Variants in PKHD1 observed in about 807,000 individuals in gnomAD.
PKHD1 encodes fibrocystin.
Under a neutral mutation model 412.0 loss-of-function variants are expected in PKHD1, and 291 were observed. The observed-to-expected ratio is 0.71, with a 90% CI of 0.64 to 0.78. The LOEUF is 0.78. Among genes scored for constraint, PKHD1 ranks in the 30% least tolerant of loss-of-function variants. The probability of loss-of-function intolerance (pLI) is 0.00; values close to 1 mark genes in which losing one functional copy is unlikely to be tolerated. For synonymous variants in PKHD1, 1,777 were observed against 1,821.5 expected (o/e 0.98, Z 0.62); for missense variants, 4,825 against 4,950.7 (o/e 0.97, Z 0.76).
At position 52,000,712 on chromosome 6, in the gene PKHD1, G is replaced by A. The variant is rs574980942; in HGVS notation, c.5751+9597C>T. ...ATAATGCAAACTCCTATATGGTGAT[G>A]TAATAATTACTCAGTGATATTATAA... is the stretch of plus-strand genomic sequence containing the variant. On this transcript the variant is annotated intron_variant, in intron 35 of 66. Transcript: ENST00000371117. Among the ~76,000 whole-genome samples the A allele has an allele frequency of 1.9e-3, 291 of 152,298 alleles. 3 individuals carry two copies. Among genetic ancestry groups the A allele is most frequent in the African/African-American group, 6.7e-3 (277 of 41,572 alleles).
chr6:51,840,243 C>A (rs559693852), intron 50 of PKHD1, among the ~76,000 whole-genome samples: 9 of 152,242 alleles, frequency 5.9e-5, no homozygotes, highest in African/African-American at 2.2e-4. Context: ...GACCACACTC[C>A]TGTCTGATTC....
At chr6:51,669,940 A>G (rs1356245803) in intron 60 of PKHD1, among the ~76,000 whole-genome samples, 2 of 149,844 alleles carry the variant, frequency 1.3e-5, no homozygotes, top group Non-Finnish European at 3.0e-5. Flanking sequence ...GTTCTTTTAC[A>G]TTTGCTGAGG....
At chr6:52,004,926 T>C (rs1216729782) in intron 35 of PKHD1, among the ~76,000 whole-genome samples, 1 of 152,118 alleles carries the variant, frequency 6.6e-6, no homozygotes, top group Non-Finnish European at 1.5e-5. Context: ...CACTACATGA[T>C]TGGTTAACTA....
intron 35 of PKHD1, among the ~76,000 whole-genome samples, chr6:51,989,932 GAAA>G (rs1796760107): frequency 1.2e-3 from 121 of 99,346 alleles, no homozygotes; most frequent in East Asian, 2.6e-3. Context: ...AGGAAGGAAG[GAAA>G]GAAGGAAGGA....
Position 52,065,031 on chromosome 6 carries a change from T to G in PKHD1, c.900A>C (p.Arg300Ser). The G allele has an allele frequency of 1.3e-6, 2 of 1,594,378 alleles. No individual in the cohort carries two copies. The highest frequency in any genetic ancestry group is 1.7e-6 in the Non-Finnish European group (2 of 1,170,528). ...ACTCAATCTTCCTGGGAGACACGTG[T>G]CTAATATCACATGGAATGCCTAAAG... Reference protein sequence around the residue: ...VTIAGIPCDIRHVSPRKIECT... With the variant: ...VTIAGIPCDISHVSPRKIECT... The change falls in exon 13 of 67, where the codon AGA (arginine) becomes AGC (serine). Residue 300 changes from arginine (R) to serine (S), a missense_variant. Arg to Ser is a moderately radical substitution (Grantham distance 110). Transcript: ENST00000371117.
At chr6:51,970,449 G>C (rs1335070011) in intron 35 of PKHD1, among the ~76,000 whole-genome samples, 1 of 152,116 alleles carries the variant, frequency 6.6e-6, no homozygotes, top group African/African-American at 2.4e-5. Flanking sequence ...AAGGTTTTTA[G>C]TTTTACTAGG....
At chr6:51,708,046 C>T (rs528079024) in intron 60 of PKHD1, among the ~76,000 whole-genome samples, 148 of 152,248 alleles carry the variant, frequency 9.7e-4, no homozygotes, top group Non-Finnish European at 4.1e-4. Flanking sequence ...ATGTAAACTT[C>T]AGAACTGCAT....
chr6:51,796,097 T>A (rs144616743), intron 52 of PKHD1, among the ~76,000 whole-genome samples: 49 of 152,340 alleles, frequency 3.2e-4, no homozygotes, highest in African/African-American at 1.1e-3. Context: ...AGCTCTTCCT[T>A]GTAACTCTGG....
chr6:52,049,014 T>G (rs142165731), intron 22 of PKHD1, among the ~76,000 whole-genome samples: 1 of 152,206 alleles, frequency 6.6e-6, no homozygotes, highest in Non-Finnish European at 1.5e-5. Flanking sequence ...TAATATGCCA[T>G]TGCAGCATGC....
At chr6:52,072,338 T>A in intron 7 of PKHD1, 149 bp from the exon 8 acceptor site, 2 of 686,914 alleles carry the variant, frequency 2.9e-6, no homozygotes, top group South Asian at 3.1e-5. Context: ...AAGGCGGATG[T>A]CAAGTCAAAT....
rs768357967 is a variant in PKHD1, at chr6:52,035,758, A to C, written c.3098-37T>G. Reference sequence around the variant, plus strand: ...ACAGCATATTCAAATGGGATCACCAACCATACAGGCAGACAAAAATTAATT... The same window carrying C: ...ACAGCATATTCAAATGGGATCACCACCCATACAGGCAGACAAAAATTAATT... On this transcript the variant is annotated intron_variant, in intron 27 of 66. Transcript: ENST00000371117. 3.7e-6 allele frequency: 6 copies of C among 1,607,108 alleles called. No homozygotes were observed. The Admixed American group carries it at 1.0e-4, about 27-fold the overall frequency.
chr6:51,819,366 G>A (rs1039319972), intron 52 of PKHD1, among the ~76,000 whole-genome samples: 4 of 152,120 alleles, frequency 2.6e-5, no homozygotes, highest in African/African-American at 9.7e-5. Flanking sequence ...GATGCTTACA[G>A]GGAGCTAGTT....
At chr6:51,924,539 G>A (rs551366699) in intron 37 of PKHD1, among the ~76,000 whole-genome samples, 2 of 152,294 alleles carry the variant, frequency 1.3e-5, no homozygotes, top group East Asian at 1.9e-4. Flanking sequence ...TGGCTCCAGG[G>A]CAAAGAATGA....
In PKHD1 at chr6:51,934,097, T is replaced by C. The variant is rs779003970; in HGVS notation, c.6121+13A>G. The stretch of plus-strand genomic sequence containing the variant: ...GCTCTACTTCATTTCCTCTGATCAA[T>C]TGCCTCACTCACCGTGCAGAGAAAG... On this transcript the variant is annotated intron_variant, in intron 37 of 66. Transcript: ENST00000371117. 46 of 1,582,586 alleles carry C rather than the reference T, an allele frequency of 2.9e-5. No individual in the cohort carries two copies. The highest frequency in any genetic ancestry group is 1.5e-4 in the South Asian group (14 of 90,446).
intron 35 of PKHD1, among the ~76,000 whole-genome samples, chr6:51,968,232 CA>C (rs892503735): frequency 2.6e-5 from 4 of 151,592 alleles, no homozygotes; most frequent in Admixed American, 6.6e-5. Context: ...TCCTCAAGGG[CA>C]AAAAAAAATT....
In PKHD1 at chr6:51,619,143, C is replaced by G; in HGVS notation, c.12163G>C (p.Gly4055Arg). ...GLSQEKKASCGATEAFCLHSV... is the reference protein window; with the variant it reads ...GLSQEKKASCRATEAFCLHSV... Reference sequence around the variant, plus strand: ...TGAAGGCAGAATGCCTCAGTGGCCCCGCAGGAGGCTTTCTTCTCTTGGGAA... The same window carrying G: ...TGAAGGCAGAATGCCTCAGTGGCCCGGCAGGAGGCTTTCTTCTCTTGGGAA... Residue 4055 changes from glycine to arginine, a missense_variant, in exon 67 of 67, where the codon GGG becomes CGG. Gly to Arg is a moderately radical substitution (Grantham distance 125, BLOSUM62 -2). Transcript: ENST00000371117. The G allele has an allele frequency of 6.2e-7, 1 of 1,614,230 alleles. No individual in the cohort carries two copies. The highest frequency in any genetic ancestry group is 1.1e-5 in the South Asian group (1 of 91,082).
At chr6:51,988,403 C>T (rs1034689619) in intron 35 of PKHD1, among the ~76,000 whole-genome samples, 3 of 152,158 alleles carry the variant, frequency 2.0e-5, no homozygotes, top group Non-Finnish European at 2.9e-5. Context: ...TATTTTATGT[C>T]GCCAATTAGA....
intron 35 of PKHD1, among the ~76,000 whole-genome samples, chr6:51,985,434 A>T (rs1796080424): frequency 1.3e-5 from 2 of 152,220 alleles, no homozygotes; most frequent in African/African-American, 4.8e-5. Context: ...TGAATGTTAT[A>T]AAAAAGAAAG....
At chr6:52,071,774 A>T (rs956398507) in intron 8 of PKHD1, among the ~76,000 whole-genome samples, 1 of 152,112 alleles carries the variant, frequency 6.6e-6, no homozygotes, top group African/African-American at 2.4e-5. Context: ...CAAATTCCTC[A>T]TCTATAATGT....
Sources: allele counts gnomAD v4.1 joint callset (sites outside exome capture counted in the v4.1 genomes callset), GRCh38; gene constraint gnomAD v4.1.1; transcripts MANE v1.5; gene names NCBI Gene and HGNC (gene_info 2026-07-23, HGNC 2026-07-21).